Variants in HOTAIR observed in about 807,000 individuals in gnomAD.
The protein encoded by HOTAIR is HOX transcript antisense RNA (non-protein coding).
chr12:53,972,829 G>A (rs1214977131), intron 1 of HOTAIR, among the ~76,000 whole-genome samples: 2 of 151,870 alleles, frequency 1.3e-5, no homozygotes, highest in Non-Finnish European at 2.9e-5. Context: ...AATCCTGGGG[G>A]AAAAAAGAGC....
At chr12:53,974,176 A>AC (rs1298631997) in intron 1 of HOTAIR, among the ~76,000 whole-genome samples, 8 of 151,036 alleles carry the variant, frequency 5.3e-5, no homozygotes, top group South Asian at 2.1e-4. Context: ...AGCCGGGTGA[A>AC]CCCCCCTCCC....
chr12:53,970,854 C>T (rs563574871), intron 1 of HOTAIR, among the ~76,000 whole-genome samples: 104 of 152,212 alleles, frequency 6.8e-4, no homozygotes, highest in African/African-American at 2.3e-3. Context: ...GCTGAATCTG[C>T]CTTGGGGGAT....
At chr12:53,967,927 C>CTAT (rs1939084714) in intron 2 of HOTAIR, 1 of 152,118 alleles carries the variant, frequency 6.6e-6, no homozygotes, top group African/African-American at 2.4e-5. Context: ...GTGGGGGTAT[C>CTAT]TGAGGGAGTA....
rs771665384 is a variant in HOTAIR, at chr12:53,973,292, G to C, written n.59+1606C>G. On this transcript the variant is annotated intron_variant and non_coding_transcript_variant, in intron 1 of 6. Transcript: ENST00000424518. The surrounding 1 kb of genome is among the most constrained non-coding windows in gnomAD (Gnocchi z 4.3). ...ACTTCTGCTCTCCGTCGCGCAAGGA[G>C]AGGGGCGCAGATTTCGGCGAGCGAG... The C allele has an allele frequency of 6.2e-7, 1 of 1,613,870 alleles. No homozygotes were observed. Among genetic ancestry groups the C allele is most frequent in the Non-Finnish European group, 8.5e-7 (1 of 1,180,008 alleles).
intron 2 of HOTAIR, among the ~76,000 whole-genome samples, chr12:53,967,788 C>T (rs1939081683): frequency 6.6e-6 from 1 of 152,114 alleles, no homozygotes; most frequent in Non-Finnish European, 1.5e-5. Context: ...CAGACCTCAC[C>T]CTACAAAAAT....
chr12:53,974,479 CTA>C (rs1263919281), intron 1 of HOTAIR, among the ~76,000 whole-genome samples: 2 of 152,042 alleles, frequency 1.3e-5, no homozygotes, highest in Non-Finnish European at 2.9e-5. Flanking sequence ...AATGTTCAAA[CTA>C]TGTGTTCGCG....
chr12:53,971,749 G>A (rs1462894714), intron 1 of HOTAIR, among the ~76,000 whole-genome samples: 1 of 152,212 alleles, frequency 6.6e-6, no homozygotes, highest in African/African-American at 2.4e-5. Flanking sequence ...TTGGCCCCTT[G>A]GACCCAGTCC....
At position 53,973,608 on chromosome 12, in the gene HOTAIR, G is replaced by T; in HGVS notation, n.59+1290C>A. ...CATGAAAAACGAAGGCTCCTACGGC[G>T]GCCACCACCACCCCAGCGCCCCGCA... On this transcript the variant is annotated intron_variant and non_coding_transcript_variant, in intron 1 of 6. Coordinates refer to ENST00000424518, the Ensembl canonical transcript of HOTAIR. This position sits in a 1 kb window ranked among gnomAD's most constrained non-coding sequence, Gnocchi z 4.3. 1.2e-6 allele frequency: 2 copies of T among 1,612,878 alleles called. No homozygotes were observed. Among genetic ancestry groups the T allele is most frequent in the South Asian group, 1.1e-5 (1 of 90,996 alleles).
At chr12:53,969,396 C>T (rs1233370016) in intron 1 of HOTAIR, among the ~76,000 whole-genome samples, 1 of 152,182 alleles carries the variant, frequency 6.6e-6, no homozygotes, top group East Asian at 1.9e-4. Flanking sequence ...TCCCCACTAC[C>T]TCCTCCATAG....
chr12:53,973,815 C>A lies in HOTAIR; in HGVS notation n.59+1083G>T, dbSNP rs556993752. The A allele has an allele frequency of 1.3e-6, 2 of 1,539,856 alleles. No homozygotes were observed. The highest frequency in any genetic ancestry group is 2.8e-5 in the African/African-American group (2 of 72,366). On this transcript the variant is annotated intron_variant and non_coding_transcript_variant, in intron 1 of 6. Coordinates refer to ENST00000424518, the Ensembl canonical transcript of HOTAIR. This position sits in a 1 kb window ranked among gnomAD's most constrained non-coding sequence, Gnocchi z 4.3. ...ACCCCCGGCCTCGGGACTGGCGTCC[C>A]GGGCTGAGGCGGGTGCCGAGGCGGA...
rs963112437 is a variant in HOTAIR, at chr12:53,973,579, T to C, written n.59+1319A>G. On this transcript the variant is annotated intron_variant and non_coding_transcript_variant, in intron 1 of 6. Coordinates refer to ENST00000424518, the Ensembl canonical transcript of HOTAIR. The surrounding 1 kb of genome is among the most constrained non-coding windows in gnomAD (Gnocchi z 4.3). Reference sequence around the variant, plus strand: ...CTGCCTCCTTCCACCGTCACCGAGATCCTCATGAAAAACGAAGGCTCCTAC... The same window carrying C: ...CTGCCTCCTTCCACCGTCACCGAGACCCTCATGAAAAACGAAGGCTCCTAC... 3.1e-6 allele frequency: 5 copies of C among 1,612,746 alleles called. No individual in the cohort carries two copies. The African/African-American group carries it at 5.4e-5, about 17-fold the overall frequency.
intron 2 of HOTAIR, chr12:53,968,206 G>A: frequency 6.6e-6 from 1 of 152,128 alleles, no homozygotes; most frequent in East Asian, 1.9e-4. Context: ...CCTACCTTGG[G>A]CCTCCACTCG....
At chr12:53,965,363 T>C (rs1939032833) in intron 5 of HOTAIR, among the ~76,000 whole-genome samples, 1 of 152,214 alleles carries the variant, frequency 6.6e-6, no homozygotes, top group Non-Finnish European at 1.5e-5. Context: ...GTGGGGCCAA[T>C]GTGAGGAAGA....
At chr12:53,964,242 T>C (rs569819779) in exon 6 of HOTAIR, 1 of 144,404 alleles carries the variant, frequency 6.9e-6, no homozygotes, top group African/African-American at 2.7e-5. Flanking sequence ...TTGGGTGTAA[T>C]TGCTGGTTTA....
rs758140548 is a variant in HOTAIR, at chr12:53,973,592, C to G, written n.59+1306G>C. On this transcript the variant is annotated intron_variant and non_coding_transcript_variant, in intron 1 of 6. Coordinates refer to ENST00000424518, the Ensembl canonical transcript of HOTAIR. This position sits in a 1 kb window ranked among gnomAD's most constrained non-coding sequence, Gnocchi z 4.3. Reference sequence around the variant, plus strand: ...CCGTCACCGAGATCCTCATGAAAAACGAAGGCTCCTACGGCGGCCACCACC... The same window carrying G: ...CCGTCACCGAGATCCTCATGAAAAAGGAAGGCTCCTACGGCGGCCACCACC... 1 of 1,613,610 alleles carries G rather than the reference C, an allele frequency of 6.2e-7. No individual in the cohort carries two copies. The highest frequency in any genetic ancestry group is 8.5e-7 in the Non-Finnish European group (1 of 1,180,012).
At chr12:53,968,798 A>G (rs1939102148) in intron 1 of HOTAIR, 1 of 138,820 alleles carries the variant, frequency 7.2e-6, no homozygotes, top group Admixed American at 7.4e-5. Context: ...TGGGGGCAAA[A>G]GATTTTTTTT....
In HOTAIR at chr12:53,973,606, G is replaced by A; in HGVS notation, n.59+1292C>T. ...CTCATGAAAAACGAAGGCTCCTACG[G>A]CGGCCACCACCACCCCAGCGCCCCG... On this transcript the variant is annotated intron_variant and non_coding_transcript_variant, in intron 1 of 6. Coordinates refer to ENST00000424518, the Ensembl canonical transcript of HOTAIR. This position sits in a 1 kb window ranked among gnomAD's most constrained non-coding sequence, Gnocchi z 4.3. 2 of 1,613,386 alleles carry A rather than the reference G, an allele frequency of 1.2e-6. No individual in the cohort carries two copies. Among genetic ancestry groups the A allele is most frequent in the Non-Finnish European group, 1.7e-6 (2 of 1,179,960 alleles).
intron 1 of HOTAIR, among the ~76,000 whole-genome samples, chr12:53,972,769 C>T (rs897698296): frequency 2.6e-5 from 4 of 152,156 alleles, no homozygotes. Context: ...TGGTGCTGCT[C>T]ACAGAGAGGA....
intron 3 of HOTAIR, among the ~76,000 whole-genome samples, chr12:53,966,848 C>T (rs887907259): frequency 6.6e-6 from 1 of 152,214 alleles, no homozygotes; most frequent in Non-Finnish European, 1.5e-5. Context: ...ACCGAAAGAG[C>T]CCCGTATCCG....
Sources: allele counts gnomAD v4.1 joint callset (sites outside exome capture counted in the v4.1 genomes callset), GRCh38; gene constraint gnomAD v4.1.1; non-coding constraint Gnocchi (gnomAD v3.1); transcripts MANE v1.5; gene names NCBI Gene and HGNC (gene_info 2026-07-23, HGNC 2026-07-21).